Variants in ITGB7 observed in about 807,000 individuals in gnomAD.
ITGB7 encodes the protein integrin subunit beta 7.
Under a neutral mutation model 83.4 loss-of-function variants are expected in ITGB7, and 55 were observed. The ratio of observed to expected loss-of-function variants is 0.66; its 90% CI spans 0.53 to 0.83. The LOEUF (loss-of-function observed/expected upper bound fraction) is 0.83, where lower values mean the gene tolerates loss of function less well. ITGB7 is among the 40% of genes least tolerant of loss of function. ITGB7 has a pLI of 0.00. For missense variants in ITGB7, 921 were observed against 1,046.7 expected, an observed-to-expected ratio of 0.88 and a Z score of 1.66; for synonymous variants, 454 against 423.6, an observed-to-expected ratio of 1.07 and a Z score of -0.88.
At chr12:53,199,883 G>T (rs1165243335) in intron 3 of ITGB7, among the ~76,000 whole-genome samples, 2 of 152,150 alleles carry the variant, frequency 1.3e-5, no homozygotes, top group East Asian at 3.8e-4. Context: ...GCACTGGGTA[G>T]TACCTTTCTC....
rs374843313 is a variant in ITGB7, at chr12:53,200,378, G to A, written c.66C>T (p.Asp22=). The A allele has an allele frequency of 4.0e-5, 65 of 1,613,994 alleles. No homozygotes were observed. The highest frequency in any genetic ancestry group is 1.6e-4 in the Middle Eastern group (1 of 6,084). The change falls in exon 3 of 16, where the codon GAC becomes GAT. Residue 22 remains aspartate, a synonymous_variant. Coordinates refer to ENST00000267082, the MANE Select transcript of ITGB7 (RefSeq NM_000889.3). ...LVLSRGESEL[D]AKIPSTGDAT... is the part of the protein sequence containing the mutation. Reference sequence around the variant, plus strand: ...CATCCCCTGTGGATGGGATCTTGGCGTCCAATTCACTCTCACCTCTGCTCA... The same window carrying A: ...CATCCCCTGTGGATGGGATCTTGGCATCCAATTCACTCTCACCTCTGCTCA...
chr12:53,192,300 C>G (rs377182660), intron 14 of ITGB7, 30 bp downstream of exon 14: 3 of 1,607,834 alleles, frequency 1.9e-6, no homozygotes, highest in African/African-American at 2.7e-5. Context: ...CATCAAACTT[C>G]CAGGGTTTGT....
In ITGB7 at chr12:53,192,424, C is replaced by G; in HGVS notation, c.2061G>C (p.Trp687Cys). ...GGTTGTCCAGGGTCCGCTCTTTGCA[C>G]CAGCCATCATCCAAGATAGGGGCCA... ...LALAPILDDG[W>C]CKERTLDNQL... Residue 687 changes from tryptophan (W) to cysteine (C), a missense_variant, in exon 14 of 16, where the codon TGG (tryptophan) becomes TGC (cysteine). Transcript: ENST00000267082. 1 of 1,614,122 alleles carries G rather than the reference C, an allele frequency of 6.2e-7. No homozygotes were observed. The highest frequency in any genetic ancestry group is 8.5e-7 in the Non-Finnish European group (1 of 1,180,040).
intron 15 of ITGB7, 100 bp from the exon 16 acceptor site, chr12:53,191,736 T>G (rs376582355): frequency 6.6e-7 from 1 of 1,519,280 alleles, no homozygotes; most frequent in Non-Finnish European, 9.1e-7. Context: ...TAGGAGCTGA[T>G]GGAAGTTAGC....
rs772420228 is a variant in ITGB7, at chr12:53,197,784, C to T, written c.369G>A (p.Leu123=). 13 of 1,559,676 alleles carry T rather than the reference C, an allele frequency of 8.3e-6. No individual in the cohort carries two copies. In the South Asian group the frequency reaches 1.4e-4, roughly 17 times the overall value. ...QGARGEGATQ[L]APQRVRVTLR... The stretch of plus-strand genomic sequence containing the variant: ...GCGTGACCCGGACCCGCTGCGGCGC[C>T]AGCTGGGTGGCACCCTCTCCGCGGG... The change falls in exon 4 of 16, where the codon CTG becomes CTA. Residue 123 remains leucine (L), a synonymous_variant. Transcript: ENST00000267082.
rs1565707703 is a variant in ITGB7, at chr12:53,200,432, C to T, written c.12G>A (p.Leu4=). The change falls in exon 3 of 16, where the codon TTG becomes TTA. Residue 4 remains leucine, a synonymous_variant. Transcript: ENST00000267082. MVA[L]PMVLVLLLVL... ...CCAGCAGCAAAACAAGGACCATTGG[C>T]AAAGCCACCATGCCCTGTAATAGGA... The T allele has an allele frequency of 1.2e-6, 2 of 1,614,168 alleles. No homozygotes were observed. The highest frequency in any genetic ancestry group is 1.7e-6 in the Non-Finnish European group (2 of 1,180,018).
rs1942014409 is a variant in ITGB7, at chr12:53,192,924, A to G, written c.1727-14T>C. On this transcript the variant is annotated splice_polypyrimidine_tract_variant and intron_variant, in intron 12 of 15. Transcript: ENST00000267082. ...AGCGACCAAAGCCTGGGGTAGAGCC[A>G]TGCAGAGGGTGACAACCATACTCCA... 6.8e-6 allele frequency: 11 copies of G among 1,611,632 alleles called. No homozygotes were observed. Among genetic ancestry groups the G allele is most frequent in the Non-Finnish European group, 9.3e-6 (11 of 1,178,062 alleles).
In ITGB7 at chr12:53,192,354, C is replaced by T. The variant is rs750166096; in HGVS notation, c.2131G>A (p.Val711Met). Residue 711 changes from valine to methionine, a missense_variant, in exon 14 of 16, where the codon GTG (valine) becomes ATG (methionine). Coordinates refer to ENST00000267082, the MANE Select transcript of ITGB7 (RefSeq NM_000889.3). ...LVEDDARGTV[V>M]LRVRPQEKGA... is the part of the protein sequence containing the mutation. ...CTTTCTTGGGGTCTCACTCTGAGCA[C>T]GACCGTGCCTCTGGCGTCATCCTCC... 2.9e-5 allele frequency: 47 copies of T among 1,613,978 alleles called. No individual in the cohort carries two copies. In the African/African-American group the frequency reaches 3.3e-4, roughly 11 times the overall value.
intron 3 of ITGB7, among the ~76,000 whole-genome samples, chr12:53,199,932 C>T (rs1942284175): frequency 6.6e-6 from 1 of 152,206 alleles, no homozygotes; most frequent in African/African-American, 2.4e-5. Flanking sequence ...TACCTATACA[C>T]AAGCATGAAT....
chr12:53,200,526 G>T, intron 2 of ITGB7, 80 bp from the exon 3 acceptor site: 1 of 1,200,094 alleles, frequency 8.3e-7, no homozygotes, highest in Non-Finnish European at 1.2e-6. Flanking sequence ...TTAGCTTGTG[G>T]TTATCACTCT....
rs532825927 is a variant in ITGB7 at position 53,196,664 on chromosome 12, C to T, written c.731G>A (p.Arg244Gln). The T allele has an allele frequency of 9.3e-6, 15 of 1,611,382 alleles. No individual in the cohort carries two copies. The highest frequency in any genetic ancestry group is 1.7e-4 in the Middle Eastern group (1 of 6,060). Residue 244 changes from arginine to glutamine, a missense_variant, in exon 6 of 16, where the codon CGG becomes CAG. Transcript: ENST00000267082. ...GGACACACTCTGGCGCCCCACCTCC[C>T]GCTCGAAGGCTTGTGCGTCCCCCGT... is the stretch of plus-strand genomic sequence containing the variant. ...SLTGDAQAFE[R>Q]EVGRQSVSGN...
intron 3 of ITGB7, among the ~76,000 whole-genome samples, chr12:53,198,171 C>G (rs549748313): frequency 4.5e-4 from 68 of 152,286 alleles, no homozygotes; most frequent in African/African-American, 1.6e-3. Context: ...ACTCTGTCAC[C>G]CAGGCTGGAG....
chr12:53,193,947 C>A, intron 10 of ITGB7, 46 bp from the exon 11 acceptor site: 1 of 1,536,674 alleles, frequency 6.5e-7, no homozygotes. Flanking sequence ...CATGCACACA[C>A]ACATACCCCA....
At position 53,197,666 on chromosome 12, in the gene ITGB7, A is replaced by AGGGGGTG. The variant is rs2120473294; in HGVS notation, c.404-10_404-4dup. On this transcript the variant is annotated splice_polypyrimidine_tract_variant and splice_region_variant and intron_variant, in intron 4 of 15. Coordinates refer to ENST00000267082, the MANE Select transcript of ITGB7 (RefSeq NM_000889.3). ...GACCTGGAGCTGCTGGGGCTCCCCT[A>AGGGGGTG]GGGGGTGGGCGGCGGGCGGGTCAGC... 1 of 1,611,674 alleles carries AGGGGGTG rather than the reference A, an allele frequency of 6.2e-7. No homozygotes were observed. The highest frequency in any genetic ancestry group is 1.7e-4 in the Middle Eastern group (1 of 6,054).
rs1402178196 is a variant in ITGB7 at position 53,192,914 on chromosome 12, G to C, written c.1727-4C>G. ...CCACATTGGCAGCGACCAAAGCCTGGGGTAGAGCCATGCAGAGGGTGACAA... is the reference window on the plus strand; with the variant it reads ...CCACATTGGCAGCGACCAAAGCCTGCGGTAGAGCCATGCAGAGGGTGACAA... On this transcript the variant is annotated splice_region_variant and splice_polypyrimidine_tract_variant and intron_variant, in intron 12 of 15. Transcript: ENST00000267082. 6.2e-7 allele frequency: 1 copy of C among 1,613,506 alleles called. No individual in the cohort carries two copies. The highest frequency in any genetic ancestry group is 1.7e-5 in the Admixed American group (1 of 59,996).
chr12:53,195,246 G>T (rs942022444), intron 9 of ITGB7, 128 bp downstream of exon 9: 1 of 691,062 alleles, frequency 1.4e-6, no homozygotes, highest in African/African-American at 1.8e-5. Flanking sequence ...CAGACTATAG[G>T]TAGGAGCTGT....
intron 3 of ITGB7, among the ~76,000 whole-genome samples, chr12:53,199,713 C>T (rs1400814004): frequency 6.7e-6 from 1 of 149,646 alleles, no homozygotes; most frequent in Non-Finnish European, 1.5e-5. Flanking sequence ...TGTGAGGACA[C>T]AGCGAGAAGG....
chr12:53,203,395 C>G (rs1173917597), intron 1 of ITGB7, among the ~76,000 whole-genome samples: 3 of 152,008 alleles, frequency 2.0e-5, no homozygotes, highest in African/African-American at 4.8e-5. Context: ...CACCTGTAAT[C>G]CTAGCACTTT....
rs372436147 is a variant in ITGB7 at position 53,196,125 on chromosome 12, G to A, written c.891C>T (p.Asp297=). Residue 297 remains aspartate (D), a synonymous_variant, in exon 7 of 16, where the codon GAC becomes GAT. Coordinates refer to ENST00000267082, the MANE Select transcript of ITGB7 (RefSeq NM_000889.3). The part of the protein sequence containing the change: ...TSDDTFHTAG[D]GKLGGIFMPS... Reference sequence around the variant, plus strand: ...GCATGAAAATGCCGCCCAACTTCCCGTCCCCAGCTGTATGGAATGTGTCGT... The same window carrying A: ...GCATGAAAATGCCGCCCAACTTCCCATCCCCAGCTGTATGGAATGTGTCGT... 1.0e-4 allele frequency: 164 copies of A among 1,614,144 alleles called. No individual in the cohort carries two copies. Among genetic ancestry groups the A allele is most frequent in the Admixed American group, 2.2e-4 (13 of 60,008 alleles).
Sources: gnomAD v4.1 joint callset for allele counts (sites outside exome capture counted in the v4.1 genomes callset) on GRCh38, gnomAD v4.1.1 for gene constraint, MANE v1.5 for transcripts, NCBI Gene and HGNC (gene_info 2026-07-23, HGNC 2026-07-21) for gene names.